SLC8A1: variants seen among roughly 807,000 people sequenced by gnomAD.
SLC8A1 encodes sodium/calcium exchanger 1.
In SLC8A1, 18 loss-of-function variants were observed where a neutral mutation model predicts 68.3. That is an observed-to-expected ratio of 0.26 (90% CI 0.18 to 0.39). SLC8A1 has a LOEUF of 0.39. SLC8A1 is among the 10% of genes least tolerant of loss of function. The pLI is 1.00. For missense variants in SLC8A1, 985 were observed against 1,156.7 expected, an observed-to-expected ratio of 0.85 and a Z score of 2.15; for synonymous variants, 475 against 415.5, an observed-to-expected ratio of 1.14 and a Z score of -1.74.
chr2:40,326,905 C>T (rs757945636), intron 2 of SLC8A1, among the ~76,000 whole-genome samples: 7 of 152,104 alleles, frequency 4.6e-5, no homozygotes, highest in Non-Finnish European at 1.0e-4. Context: ...AGGTATTGAT[C>T]CCAAGGTCAG....
chr2:40,265,756 A>G (rs922128267), intron 2 of SLC8A1, among the ~76,000 whole-genome samples: 2 of 152,120 alleles, frequency 1.3e-5, no homozygotes, highest in African/African-American at 4.8e-5. Flanking sequence ...ATTAATCTTT[A>G]TTTACAGCAT....
chr2:40,295,032 A>T (rs2070087273), intron 2 of SLC8A1, among the ~76,000 whole-genome samples: 1 of 152,194 alleles, frequency 6.6e-6, no homozygotes, highest in South Asian at 2.1e-4. Context: ...CATGAGAAAA[A>T]TGATAACTAC....
At chr2:40,238,919 T>G (rs1574525960) in intron 2 of SLC8A1, among the ~76,000 whole-genome samples, 2 of 152,198 alleles carry the variant, frequency 1.3e-5, no homozygotes, top group African/African-American at 4.8e-5. Flanking sequence ...CAGTAACCTT[T>G]TAAATGAACA....
chr2:40,469,098 C>A (rs1703860746), intron 1 of SLC8A1, among the ~76,000 whole-genome samples: 1 of 152,110 alleles, frequency 6.6e-6, no homozygotes, highest in Non-Finnish European at 1.5e-5. Flanking sequence ...CTGATGGTCT[C>A]ATTAACAGTG....
exon 2 of SLC8A1, chr2:40,429,245 T>G: frequency 1.2e-6 from 2 of 1,613,892 alleles, no homozygotes; most frequent in Non-Finnish European, 8.5e-7. Context: ...GCTAATTCTA[T>G]TAATTGCTCT....
At chr2:40,333,515 G>GTAAC (rs1279848656) in intron 2 of SLC8A1, among the ~76,000 whole-genome samples, 1 of 151,232 alleles carries the variant, frequency 6.6e-6, no homozygotes, top group African/African-American at 2.4e-5. Flanking sequence ...GAATGTTGAG[G>GTAAC]TAACCAATGT....
intron 1 of SLC8A1, among the ~76,000 whole-genome samples, chr2:40,497,187 C>T (rs572562902): frequency 6.6e-6 from 1 of 151,974 alleles, no homozygotes. Flanking sequence ...AAGGGAAAGA[C>T]CTCCTGCTTG....
At chr2:40,146,606 C>G (rs541457444) in intron 6 of SLC8A1, among the ~76,000 whole-genome samples, 1 of 149,910 alleles carries the variant, frequency 6.7e-6, no homozygotes, top group African/African-American at 2.5e-5. Context: ...TATTTTCTTG[C>G]AACTAGATGG....
chr2:40,325,740 C>G (rs780047921), intron 2 of SLC8A1, among the ~76,000 whole-genome samples: 2 of 130,428 alleles, frequency 1.5e-5, no homozygotes, highest in Non-Finnish European at 3.1e-5. Flanking sequence ...GAGACCATGC[C>G]GGCTAACATG....
intron 2 of SLC8A1, among the ~76,000 whole-genome samples, chr2:40,266,488 T>C (rs2065366537): frequency 6.6e-6 from 1 of 152,236 alleles, no homozygotes; most frequent in South Asian, 2.1e-4. Context: ...GAGACTATTC[T>C]TAGACCATTG....
chr2:40,104,016 G>A (rs746311049), exon 8 of SLC8A1: 2 of 152,166 alleles, frequency 1.3e-5, no homozygotes, highest in Non-Finnish European at 2.9e-5. Context: ...ATTTAATGAT[G>A]AGGACAATCA....
chr2:40,352,142 CT>C (rs1671294052), intron 2 of SLC8A1, among the ~76,000 whole-genome samples: 1 of 152,070 alleles, frequency 6.6e-6, no homozygotes, highest in African/African-American at 2.4e-5. Flanking sequence ...CAGTTTTCTT[CT>C]TTTAAAATTC....
intron 2 of SLC8A1, among the ~76,000 whole-genome samples, chr2:40,192,910 C>A (rs1024048556): frequency 6.6e-6 from 1 of 151,970 alleles, no homozygotes; most frequent in African/African-American, 2.4e-5. Flanking sequence ...GTCTTCAGAC[C>A]CCCTAAGAAT....
chr2:40,129,955 A>G (rs2038985004), intron 7 of SLC8A1, among the ~76,000 whole-genome samples: 1 of 152,198 alleles, frequency 6.6e-6, no homozygotes, highest in African/African-American at 2.4e-5. Flanking sequence ...ATTGGGCAGG[A>G]CACATGCTGA....
At chr2:40,432,320 A>C (rs1698496199) in intron 1 of SLC8A1, among the ~76,000 whole-genome samples, 1 of 151,300 alleles carries the variant, frequency 6.6e-6, no homozygotes, top group African/African-American at 2.4e-5. Flanking sequence ...GAAACAAACA[A>C]ATATAAATAT....
upstream of SLC8A1, among the ~76,000 whole-genome samples, chr2:40,454,370 G>C (rs1381321919): frequency 1.3e-5 from 2 of 151,984 alleles, no homozygotes; most frequent in African/African-American, 2.4e-5. Flanking sequence ...GGGCCGCTTA[G>C]TGAAAGCTGA....
At chr2:40,411,509 C>G (rs1022885944) in intron 2 of SLC8A1, among the ~76,000 whole-genome samples, 1 of 151,824 alleles carries the variant, frequency 6.6e-6, no homozygotes, top group African/African-American at 2.4e-5. Flanking sequence ...AAGAACTAAT[C>G]TAAAATGTGA....
At chr2:40,200,219 T>A (rs1366753006) in intron 2 of SLC8A1, among the ~76,000 whole-genome samples, 3 of 2,928 alleles carry the variant, frequency 1.0e-3, no homozygotes, top group African/African-American at 1.7e-3. Context: ...TATATATATA[T>A]TTTTTTATAT....
chr2:40,428,920 C>A, exon 2 of SLC8A1: 1 of 1,613,756 alleles, frequency 6.2e-7, no homozygotes, highest in Non-Finnish European at 8.5e-7. Context: ...ATAATCAGAC[C>A]CAGCATTTGC....
Sources: allele counts gnomAD v4.1 joint callset (sites outside exome capture counted in the v4.1 genomes callset), GRCh38; gene constraint gnomAD v4.1.1; transcripts MANE v1.5; gene names NCBI Gene and HGNC (gene_info 2026-07-23, HGNC 2026-07-21).